The following EXOC6B variants were observed in gnomAD, a reference collection of about 807,000 sequenced individuals.
EXOC6B encodes exocyst complex component 6B, also known as SEC15 homolog B.
EXOC6B carries 54 observed loss-of-function variants against 113.5 expected under a neutral mutation model. The ratio of observed to expected loss-of-function variants is 0.48; its 90% CI spans 0.38 to 0.60. The LOEUF is 0.60. EXOC6B is among the 20% of genes least tolerant of loss of function. EXOC6B has a pLI of 0.00. For missense variants in EXOC6B, 797 were observed against 977.5 expected (o/e 0.82, Z 2.46); for synonymous variants, 357 against 339.0 (o/e 1.05, Z -0.58).
chr2:72,592,587 C>T (rs550056529), intron 6 of EXOC6B, among the ~76,000 whole-genome samples: 1 of 152,170 alleles, frequency 6.6e-6, no homozygotes, highest in African/African-American at 2.4e-5. Flanking sequence ...AAAAAGATAC[C>T]ATCATCCCAG....
intron 6 of EXOC6B, among the ~76,000 whole-genome samples, chr2:72,591,845 A>C (rs11892598): frequency 0.22 from 33,022 of 151,962 alleles, 5,841 homozygotes; most frequent in African/African-American, 0.49. Context: ...GGGCAAACTA[A>C]AGGAGGAAAT....
At chr2:72,491,990 T>A (rs547312159) in intron 16 of EXOC6B, among the ~76,000 whole-genome samples, 1 of 152,290 alleles carries the variant, frequency 6.6e-6, no homozygotes, top group Admixed American at 6.5e-5. Context: ...ATTCACTTGA[T>A]TGGAACCTGA....
intron 20 of EXOC6B, among the ~76,000 whole-genome samples, chr2:72,253,898 C>T (rs1288780105): frequency 3.3e-5 from 5 of 152,152 alleles, no homozygotes; most frequent in Non-Finnish European, 5.9e-5. Flanking sequence ...CAGTGGCTCA[C>T]GCCTGTAATC....
chr2:72,363,865 T>TTTA (rs1189729469), intron 19 of EXOC6B, among the ~76,000 whole-genome samples: 4 of 152,106 alleles, frequency 2.6e-5, no homozygotes, highest in African/African-American at 9.7e-5. Flanking sequence ...AAATCTATAT[T>TTTA]CTTAATGACT....
intron 20 of EXOC6B, among the ~76,000 whole-genome samples, chr2:72,289,289 T>C (rs950421838): frequency 6.6e-6 from 1 of 152,212 alleles, no homozygotes; most frequent in African/African-American, 2.4e-5. Context: ...TATATTCACT[T>C]TGCGAAAATG....
Position 72,178,174 on chromosome 2 carries a change from G to A in EXOC6B, c.*1161C>T, listed in dbSNP as rs1297605003. 1 of 152,150 alleles carries A rather than the reference G, an allele frequency of 6.6e-6. No homozygotes were observed. The highest frequency in any genetic ancestry group is 1.5e-5 in the Non-Finnish European group (1 of 68,036). 9.4% of individuals were successfully genotyped at this position (152,150 alleles called of 1,614,324 possible). A position where few individuals can be genotyped will look rare whatever the true frequency, so the allele number is the denominator to read the frequency against. On this transcript the variant is annotated 3_prime_UTR_variant, in exon 22 of 22. Transcript: ENST00000272427. ...ATATTATTTAGTGAAGGACAGTTGG[G>A]CCAGAGGCAACAAGCCACAAGCCAT...
chr2:72,767,832 A>AAAAAAAAAAAAAAAAAAC (rs1269469333), intron 1 of EXOC6B, among the ~76,000 whole-genome samples: 2 of 141,152 alleles, frequency 1.4e-5, no homozygotes, highest in South Asian at 2.4e-4. Flanking sequence ...AAAAAAAAAA[A>AAAAAAAAAAAAAAAAAAC]AGACCAAGTC....
chr2:72,325,610 C>T (rs181022599), intron 20 of EXOC6B, among the ~76,000 whole-genome samples: 1 of 151,864 alleles, frequency 6.6e-6, no homozygotes, highest in Non-Finnish European at 1.5e-5. Context: ...ACATGGCCCA[C>T]GGTGCCTCTC....
chr2:72,719,200 G>A (rs1401801443), intron 5 of EXOC6B, among the ~76,000 whole-genome samples: 2 of 152,164 alleles, frequency 1.3e-5, no homozygotes, highest in Non-Finnish European at 2.9e-5. Flanking sequence ...TTCCTGAGAT[G>A]AGGGGCTGAC....
At chr2:72,584,650 C>T (rs549449134) in intron 6 of EXOC6B, among the ~76,000 whole-genome samples, 2 of 152,222 alleles carry the variant, frequency 1.3e-5, no homozygotes, top group Admixed American at 6.5e-5. Context: ...AACAGTGGAC[C>T]AATTGGACCT....
At chr2:72,516,050 C>T (rs1179846644) in intron 8 of EXOC6B, among the ~76,000 whole-genome samples, 1 of 152,196 alleles carries the variant, frequency 6.6e-6, no homozygotes, top group East Asian at 1.9e-4. Flanking sequence ...AAGATTCTAC[C>T]CAGTCTCAGA....
intron 18 of EXOC6B, among the ~76,000 whole-genome samples, chr2:72,398,713 A>C (rs1397464566): frequency 7.4e-6 from 1 of 135,908 alleles, no homozygotes; most frequent in Admixed American, 7.1e-5. Flanking sequence ...AAAAAAAAAA[A>C]CTGTCTCTCT....
chr2:72,786,136 A>G (rs1684361987), intron 1 of EXOC6B, among the ~76,000 whole-genome samples: 1 of 152,250 alleles, frequency 6.6e-6, no homozygotes. Flanking sequence ...TTTCTAAACA[A>G]TGAAAGTTAA....
chr2:72,226,144 C>A (rs187473763), intron 20 of EXOC6B, among the ~76,000 whole-genome samples: 7 of 152,182 alleles, frequency 4.6e-5, no homozygotes, highest in African/African-American at 1.7e-4. Flanking sequence ...AAAAAACAAT[C>A]AAATAGAAGA....
intron 1 of EXOC6B, among the ~76,000 whole-genome samples, chr2:72,747,502 A>G (rs1681774080): frequency 6.6e-6 from 1 of 152,070 alleles, no homozygotes; most frequent in South Asian, 2.1e-4. Context: ...GCTCTTTGAT[A>G]GTGATGCAAT....
At chr2:72,360,848 G>A (rs937120883) in intron 19 of EXOC6B, among the ~76,000 whole-genome samples, 5 of 149,502 alleles carry the variant, frequency 3.3e-5, no homozygotes, top group African/African-American at 5.0e-5. Context: ...GGAGAATGGC[G>A]TGAACCCGGG....
intron 6 of EXOC6B, among the ~76,000 whole-genome samples, chr2:72,674,266 C>A (rs1295503811): frequency 6.6e-6 from 1 of 152,196 alleles, no homozygotes; most frequent in East Asian, 1.9e-4. Context: ...TACTCCCAAT[C>A]TCATTTCAAG....
intron 18 of EXOC6B, among the ~76,000 whole-genome samples, chr2:72,426,642 G>C (rs533581609): frequency 3.9e-5 from 6 of 152,248 alleles, no homozygotes; most frequent in East Asian, 3.9e-4. Flanking sequence ...AGTACAAAGC[G>C]ATCCTCTGTC....
At chr2:72,202,772 C>T (rs1409057179) in intron 20 of EXOC6B, among the ~76,000 whole-genome samples, 1 of 152,148 alleles carries the variant, frequency 6.6e-6, no homozygotes, top group African/African-American at 2.4e-5. Context: ...CATCTAGTGA[C>T]GAGTCACATT....
Sources: allele counts gnomAD v4.1 joint callset (sites outside exome capture counted in the v4.1 genomes callset), GRCh38; gene constraint gnomAD v4.1.1; transcripts MANE v1.5; gene names NCBI Gene and HGNC (gene_info 2026-07-23, HGNC 2026-07-21).